Variants in ARHGAP22 observed in about 807,000 individuals in gnomAD.
ARHGAP22 encodes rho GTPase-activating protein 22.
ARHGAP22 carries 48 observed loss-of-function variants against 59.1 expected under a neutral mutation model. The observed-to-expected ratio is 0.81, with a 90% CI of 0.64 to 1.03. The LOEUF (loss-of-function observed/expected upper bound fraction) is 1.03, where lower values mean the gene tolerates loss of function less well. Ranked by LOEUF, ARHGAP22 falls within the 50% of genes least tolerant of loss-of-function variation. The pLI, the probability that ARHGAP22 is intolerant of heterozygous loss-of-function variation, is 0.00. For missense variants in ARHGAP22, 1,015 were observed against 958.7 expected, an observed-to-expected ratio of 1.06 and a Z score of -0.78; for synonymous variants, 445 against 416.4, an observed-to-expected ratio of 1.07 and a Z score of -0.84.
chr10:48,548,522 C>G (rs2056646973), intron 3 of ARHGAP22, among the ~76,000 whole-genome samples: 2 of 152,166 alleles, frequency 1.3e-5, no homozygotes, highest in African/African-American at 4.8e-5. Flanking sequence ...AACGGATGAC[C>G]TAATTCATCT....
intron 3 of ARHGAP22, among the ~76,000 whole-genome samples, chr10:48,545,478 T>G (rs2056349284): frequency 6.6e-6 from 1 of 152,186 alleles, no homozygotes; most frequent in South Asian, 2.1e-4. Context: ...CTAATTTCAT[T>G]TCTGTCATTA....
intron 3 of ARHGAP22, among the ~76,000 whole-genome samples, chr10:48,521,586 T>G (rs61423899): frequency 0.026 from 3,988 of 152,318 alleles, 197 homozygotes; most frequent in African/African-American, 0.091. Flanking sequence ...ATGATATCAA[T>G]GATTAATGGA....
At chr10:48,468,979 G>T (rs572517080) in intron 4 of ARHGAP22, among the ~76,000 whole-genome samples, 1 of 152,256 alleles carries the variant, frequency 6.6e-6, no homozygotes, top group East Asian at 1.9e-4. Context: ...GGACCTGCCA[G>T]CTCTGAGCAG....
chr10:48,457,114 C>T (rs1013891717), intron 5 of ARHGAP22, among the ~76,000 whole-genome samples: 20 of 152,128 alleles, frequency 1.3e-4, no homozygotes, highest in South Asian at 2.1e-4. Flanking sequence ...CAGTGCAGCC[C>T]GCAGCAAGGT....
chr10:48,487,635 G>A (rs976140673), intron 3 of ARHGAP22, among the ~76,000 whole-genome samples: 21 of 152,128 alleles, frequency 1.4e-4, no homozygotes, highest in African/African-American at 4.6e-4. Flanking sequence ...AAATGGACTC[G>A]CCCTCAGACC....
chr10:48,582,793 A>G (rs763203247), intron 2 of ARHGAP22, 160 bp downstream of exon 2: 78 of 761,166 alleles, frequency 1.0e-4, no homozygotes, highest in Non-Finnish European at 1.5e-4. Flanking sequence ...GATACCAGGA[A>G]CATGGGGGAT....
chr10:48,567,080 T>C (rs972743321), intron 2 of ARHGAP22, among the ~76,000 whole-genome samples: 2 of 152,204 alleles, frequency 1.3e-5, no homozygotes, highest in African/African-American at 4.8e-5. Context: ...TGGGTCCTCT[T>C]TGCAAAGTTC....
chr10:48,539,214 T>C (rs867948896), intron 3 of ARHGAP22, among the ~76,000 whole-genome samples: 3 of 152,046 alleles, frequency 2.0e-5, no homozygotes, highest in Non-Finnish European at 2.9e-5. Context: ...TTTCTTTATC[T>C]TGTAGGGTTT....
chr10:48,597,363 C>A (rs918582162), intron 1 of ARHGAP22, among the ~76,000 whole-genome samples: 3 of 151,938 alleles, frequency 2.0e-5, no homozygotes, highest in African/African-American at 7.3e-5. Flanking sequence ...GATTCTCTGC[C>A]CATAATCAGA....
intron 1 of ARHGAP22, among the ~76,000 whole-genome samples, chr10:48,623,278 C>T (rs980572555): frequency 7.9e-5 from 12 of 152,236 alleles, no homozygotes; most frequent in African/African-American, 2.9e-4. Flanking sequence ...CCCAGCTGGT[C>T]AGCCAGCACT....
At chr10:48,453,787 G>A (rs1055453356) in intron 7 of ARHGAP22, among the ~76,000 whole-genome samples, 1 of 152,196 alleles carries the variant, frequency 6.6e-6, no homozygotes, top group African/African-American at 2.4e-5. Flanking sequence ...GGGGTCAAGG[G>A]GCAGATGCCG....
chr10:48,555,810 G>C (rs1291619987), intron 2 of ARHGAP22, among the ~76,000 whole-genome samples: 1 of 152,198 alleles, frequency 6.6e-6, no homozygotes, highest in African/African-American at 2.4e-5. Context: ...GGGAACTCTG[G>C]AGCAGGGAGG....
chr10:48,441,742 G>A (rs10735224), downstream of ARHGAP22, among the ~76,000 whole-genome samples: 146,550 of 152,106 alleles, frequency 0.96, 70,784 homozygotes, highest in East Asian at 1. Context: ...GTGAGCCACC[G>A]CGCCCGGCCA....
At chr10:48,458,381 T>C (rs1589475629) in intron 5 of ARHGAP22, among the ~76,000 whole-genome samples, 1 of 151,670 alleles carries the variant, frequency 6.6e-6, no homozygotes, top group Admixed American at 6.6e-5. Context: ...GCAGGCCAGG[T>C]GGAGAAAGGA....
the ARHGAP22 span, among the ~76,000 whole-genome samples, chr10:48,432,250 G>A: frequency 3.0e-3 from 457 of 152,312 alleles, 4 homozygotes; most frequent in African/African-American, 0.011. Context: ...GAAAAAAATA[G>A]ATGTTGTATC....
intron 1 of ARHGAP22, among the ~76,000 whole-genome samples, chr10:48,589,453 A>G (rs778048170): frequency 1.3e-5 from 2 of 152,158 alleles, no homozygotes; most frequent in African/African-American, 2.4e-5. Flanking sequence ...GATCTTACTC[A>G]GGAGCTTCAG....
chr10:48,596,273 C>T (rs1047793693), intron 1 of ARHGAP22, among the ~76,000 whole-genome samples: 16 of 152,268 alleles, frequency 1.1e-4, no homozygotes, highest in South Asian at 2.1e-4. Context: ...TGGGGCCTCC[C>T]GTATGCCCAC....
chr10:48,453,742 T>G (rs1177583198), intron 7 of ARHGAP22, among the ~76,000 whole-genome samples: 1 of 152,212 alleles, frequency 6.6e-6, no homozygotes, highest in Non-Finnish European at 1.5e-5. Flanking sequence ...TGCATTCCCC[T>G]TCTCAGTGTC....
intron 3 of ARHGAP22, among the ~76,000 whole-genome samples, chr10:48,483,445 A>G (rs1048165389): frequency 2.0e-5 from 3 of 152,150 alleles, no homozygotes; most frequent in Admixed American, 2.0e-4. Flanking sequence ...GCTGGATCAC[A>G]TGGTGGTTTT....
Sources: gnomAD v4.1 joint callset for allele counts (sites outside exome capture counted in the v4.1 genomes callset) on GRCh38, gnomAD v4.1.1 for gene constraint, MANE v1.5 for transcripts, NCBI Gene and HGNC (gene_info 2026-07-23, HGNC 2026-07-21) for gene names.